Variants in CLMN observed in about 807,000 individuals in gnomAD.
CLMN encodes calmin.
A neutral mutation model predicts 92.7 loss-of-function variants in CLMN; 57 were observed. That is an observed-to-expected ratio of 0.61 (90% CI 0.50 to 0.77). The LOEUF (loss-of-function observed/expected upper bound fraction) is 0.77. Among genes scored for constraint, CLMN ranks in the 30% least tolerant of loss-of-function variants. The pLI, the probability that CLMN is intolerant of heterozygous loss-of-function variation, is 0.00. For missense variants in CLMN, 1,158 were observed against 1,237.5 expected, an observed-to-expected ratio of 0.94 and a Z score of 0.96; for synonymous variants, 466 against 470.6, an observed-to-expected ratio of 0.99 and a Z score of 0.13.
chr14:95,253,183 A>G (rs1018269383), intron 1 of CLMN, among the ~76,000 whole-genome samples: 2 of 152,218 alleles, frequency 1.3e-5, no homozygotes, highest in Non-Finnish European at 2.9e-5. Flanking sequence ...CACATTGGAA[A>G]GGACAAAGGA....
At chr14:95,319,274 C>T (rs1901932303) in intron 1 of CLMN, among the ~76,000 whole-genome samples, 1 of 151,680 alleles carries the variant, frequency 6.6e-6, no homozygotes, top group African/African-American at 2.4e-5. Context: ...ATTCCCCTTG[C>T]CTCGAAGGTA....
chr14:95,238,581 C>T (rs535997420), intron 1 of CLMN, among the ~76,000 whole-genome samples: 2 of 152,340 alleles, frequency 1.3e-5, no homozygotes, highest in South Asian at 4.1e-4. Context: ...GCAACTACTA[C>T]AGGTAAGTGG....
intron 1 of CLMN, among the ~76,000 whole-genome samples, chr14:95,299,897 T>TG (rs1900971464): frequency 6.6e-6 from 1 of 152,208 alleles, no homozygotes; most frequent in Admixed American, 6.5e-5. Context: ...GACAGGAGTT[T>TG]GGGGGGACCC....
chr14:95,199,698 T>C (rs575315713), intron 9 of CLMN, among the ~76,000 whole-genome samples: 2 of 152,264 alleles, frequency 1.3e-5, no homozygotes, highest in African/African-American at 4.8e-5. Context: ...TGTGATCAGC[T>C]ATAGGGAGGG....
chr14:95,272,732 A>T (rs1899761993), intron 1 of CLMN, among the ~76,000 whole-genome samples: 4 of 152,208 alleles, frequency 2.6e-5, no homozygotes, highest in African/African-American at 9.7e-5. Flanking sequence ...GCCTGCACGG[A>T]GTTCATGGTG....
chr14:95,260,269 A>G (rs1899197262), intron 1 of CLMN, among the ~76,000 whole-genome samples: 1 of 152,036 alleles, frequency 6.6e-6, no homozygotes, highest in Non-Finnish European at 1.5e-5. Context: ...GTGAAACCCC[A>G]TCTCTACTAA....
chr14:95,230,838 C>T (rs1897862298), intron 1 of CLMN, among the ~76,000 whole-genome samples: 1 of 152,222 alleles, frequency 6.6e-6, no homozygotes, highest in South Asian at 2.1e-4. Flanking sequence ...GCAGACTTTG[C>T]ACCCTCCAGG....
intron 3 of CLMN, among the ~76,000 whole-genome samples, 191 bp downstream of exon 3, chr14:95,223,569 T>C (rs1052721220): frequency 6.6e-6 from 1 of 152,068 alleles, no homozygotes; most frequent in Non-Finnish European, 1.5e-5. Context: ...TTTTCTAAAA[T>C]ACATTGGCTT....
chr14:95,315,905 T>C (rs1029417355), intron 1 of CLMN, among the ~76,000 whole-genome samples: 2 of 152,202 alleles, frequency 1.3e-5, no homozygotes, highest in Non-Finnish European at 2.9e-5. Flanking sequence ...TCGACACACA[T>C]GTGCTAAACT....
chr14:95,227,008 G>A (rs1897732137), intron 2 of CLMN, among the ~76,000 whole-genome samples: 1 of 152,194 alleles, frequency 6.6e-6, no homozygotes, highest in Non-Finnish European at 1.5e-5. Flanking sequence ...GGGGAAGGCT[G>A]GGCATTCACA....
intron 9 of CLMN, among the ~76,000 whole-genome samples, chr14:95,198,743 C>T (rs1896794461): frequency 6.6e-6 from 1 of 152,140 alleles, no homozygotes. Context: ...AGCCACACCG[C>T]AAATCACCTG....
chr14:95,288,646 TGTTTGGC>T (rs1361306752), intron 1 of CLMN, among the ~76,000 whole-genome samples: 1 of 152,174 alleles, frequency 6.6e-6, no homozygotes, highest in Non-Finnish European at 1.5e-5. Flanking sequence ...TTTCAAAAAC[TGTTTGGC>T]AGCATCCACA....
At chr14:95,254,398 A>C (rs1252672728) in intron 1 of CLMN, among the ~76,000 whole-genome samples, 2 of 152,188 alleles carry the variant, frequency 1.3e-5, no homozygotes, top group Non-Finnish European at 1.5e-5. Context: ...GCTGATGTAC[A>C]ATTTCATTCC....
chr14:95,264,847 A>G (rs117117876), intron 1 of CLMN, among the ~76,000 whole-genome samples: 14,468 of 151,584 alleles, frequency 0.095, 826 homozygotes, highest in African/African-American at 0.15. Context: ...GCAAGGCAGG[A>G]GGATCACTTG....
intron 1 of CLMN, among the ~76,000 whole-genome samples, chr14:95,312,270 C>T (rs778710890): frequency 8.5e-5 from 13 of 152,172 alleles, no homozygotes; most frequent in Non-Finnish European, 1.8e-4. Context: ...CCCACCCCTC[C>T]ATCCCGAGCT....
At chr14:95,278,314 C>T (rs1403708358) in intron 1 of CLMN, among the ~76,000 whole-genome samples, 1 of 152,168 alleles carries the variant, frequency 6.6e-6, no homozygotes, top group Non-Finnish European at 1.5e-5. Context: ...GATATCCAAG[C>T]TATACATATA....
chr14:95,241,297 G>A (rs1480327521), intron 1 of CLMN, among the ~76,000 whole-genome samples: 1 of 151,944 alleles, frequency 6.6e-6, no homozygotes, highest in Non-Finnish European at 1.5e-5. Context: ...GGGACATTTG[G>A]GGCTCAAACT....
intron 6 of CLMN, among the ~76,000 whole-genome samples, chr14:95,212,931 G>A (rs1897238488): frequency 6.6e-6 from 1 of 151,824 alleles, no homozygotes; most frequent in African/African-American, 2.4e-5. Context: ...GACTACAGGT[G>A]CCCGCCACCA....
At chr14:95,270,744 C>T (rs906587266) in intron 1 of CLMN, among the ~76,000 whole-genome samples, 1 of 152,164 alleles carries the variant, frequency 6.6e-6, no homozygotes, top group Non-Finnish European at 1.5e-5. Context: ...ATTCTGCCTA[C>T]CATGAATAAT....
Sources: allele counts gnomAD v4.1 joint callset (sites outside exome capture counted in the v4.1 genomes callset), GRCh38; gene constraint gnomAD v4.1.1; transcripts MANE v1.5; gene names NCBI Gene and HGNC (gene_info 2026-07-23, HGNC 2026-07-21).